The following GPR157 variants were observed in gnomAD, a reference collection of about 807,000 sequenced individuals.
GPR157 encodes the protein G-protein coupled receptor 157.
Under a neutral mutation model 23.5 loss-of-function variants are expected in GPR157, and 16 were observed. The observed-to-expected ratio is 0.68, with a 90% CI of 0.46 to 1.04. The LOEUF is 1.04. Ranked by LOEUF, GPR157 falls within the 50% of genes least tolerant of loss-of-function variation. GPR157 has a pLI of 0.00. For synonymous variants in GPR157, 200 were observed against 221.5 expected (o/e 0.90, Z 0.86); for missense variants, 440 against 460.7 (o/e 0.96, Z 0.41).
intron 2 of GPR157, among the ~76,000 whole-genome samples, chr1:9,108,273 C>A (rs1329674607): frequency 1.3e-5 from 2 of 152,202 alleles, no homozygotes; most frequent in African/African-American, 4.8e-5. Context: ...TCCTCCTCCT[C>A]CTCCTCCAGC....
Position 9,118,870 on chromosome 1 carries a change from CA to C in GPR157, c.384-7382del, listed in dbSNP as rs1230344137. ...GCAACAAAGTGAGACCCTGTCTCTA[CA>C]AAAAAATACATAAATTAGCCAGGCG... On this transcript the variant is annotated intron_variant, in intron 1 of 3. Transcript: ENST00000377411. This position sits in a 1 kb window ranked among gnomAD's most constrained non-coding sequence, Gnocchi z 4.6. Among the ~76,000 whole-genome samples the C allele has an allele frequency of 6.6e-6, 1 of 151,858 alleles. No individual in the cohort carries two copies. The highest frequency in any genetic ancestry group is 6.6e-5 in the Admixed American group (1 of 15,232).
Position 9,100,517 on chromosome 1 carries a change from A to T in GPR157, c.*3902T>A, listed in dbSNP as rs1211983485. 1 of 152,256 alleles carries T rather than the reference A, an allele frequency of 6.6e-6. No homozygotes were observed. The highest frequency in any genetic ancestry group is 1.9e-4 in the East Asian group (1 of 5,200). 9.4% of individuals were successfully genotyped at this position (152,256 alleles called of 1,614,324 possible). A position where few individuals can be genotyped will look rare whatever the true frequency, so the allele number is the denominator to read the frequency against. ...CAAATAATCATCTTTATTTAAAAAC[A>T]AAACAGAACAAACAAACCAAAAAAC... On this transcript the variant is annotated 3_prime_UTR_variant, in exon 4 of 4. Coordinates refer to ENST00000377411, the MANE Select transcript of GPR157 (RefSeq NM_024980.5).
intron 1 of GPR157, among the ~76,000 whole-genome samples, chr1:9,122,236 G>A (rs1185247271): frequency 2.0e-5 from 3 of 152,196 alleles, no homozygotes; most frequent in African/African-American, 4.8e-5. Flanking sequence ...CCACATGAAA[G>A]TCAAAGACAA....
At chr1:9,116,339 T>TAATATATATAAA in intron 1 of GPR157, among the ~76,000 whole-genome samples, 1 of 13,948 alleles carries the variant, frequency 7.2e-5, no homozygotes, top group East Asian at 0.023. Context: ...TTATATATAA[T>TAATATATATAAA]TTATATATAA....
intron 1 of GPR157, among the ~76,000 whole-genome samples, chr1:9,117,420 AAC>A (rs1638705112): frequency 6.6e-6 from 1 of 152,214 alleles, no homozygotes. Flanking sequence ...GTGCTCCACA[AAC>A]ACATGTGTGG....
rs985559702 is a variant in GPR157, at chr1:9,128,926, G to A, written c.102C>T (p.Ala34=). 1 of 1,537,004 alleles carries A rather than the reference G, an allele frequency of 6.5e-7. No homozygotes were observed. The highest frequency in any genetic ancestry group is 2.0e-5 in the Admixed American group (1 of 50,554). ...LSALGSGLLV[A]THALWPDLRS... is the part of the protein sequence containing the mutation. ...GCAGGTCGGGCCACAGGGCGTGCGT[G>A]GCCACCAGCAGGCCCGAGCCGAGCG... The change falls in exon 1 of 4, where the codon GCC becomes GCT. Residue 34 remains alanine (A), a synonymous_variant. Coordinates refer to ENST00000377411, the MANE Select transcript of GPR157 (RefSeq NM_024980.5). The surrounding 1 kb of genome is among the most constrained non-coding windows in gnomAD (Gnocchi z 6.3).
chr1:9,111,495 G>A lies in GPR157; in HGVS notation c.384-6C>T. 1.2e-6 allele frequency: 2 copies of A among 1,611,528 alleles called. No homozygotes were observed. Among genetic ancestry groups the A allele is most frequent in the Non-Finnish European group, 1.7e-6 (2 of 1,177,920 alleles). ...TGACCAACGGGACCCCCCAGCTGAG[G>A]AAGGAGGAGAGAAAGAGGCATCGGG... is the stretch of plus-strand genomic sequence containing the variant. On this transcript the variant is annotated splice_region_variant and splice_polypyrimidine_tract_variant and intron_variant, in intron 1 of 3. Coordinates refer to ENST00000377411, the MANE Select transcript of GPR157 (RefSeq NM_024980.5).
Position 9,105,373 on chromosome 1 carries a change from C to T in GPR157, c.792+113G>A. 2 of 957,554 alleles carry T rather than the reference C, an allele frequency of 2.1e-6. No homozygotes were observed. Among genetic ancestry groups the T allele is most frequent in the Non-Finnish European group, 1.5e-6 (1 of 649,582 alleles). The allele number at this position is 957,554 out of a possible 1,614,324, so 59.3% of individuals were successfully genotyped here. On this transcript the variant is annotated intron_variant, in intron 3 of 3. Coordinates refer to ENST00000377411, the MANE Select transcript of GPR157 (RefSeq NM_024980.5). The surrounding 1 kb of genome is among the most constrained non-coding windows in gnomAD (Gnocchi z 4.8). Reference sequence around the variant, plus strand: ...ACAGCACAGTGGGGCCGAGCTCCTCCCTGCAGCTGTGCCTTGGCCGACACT... The same window carrying T: ...ACAGCACAGTGGGGCCGAGCTCCTCTCTGCAGCTGTGCCTTGGCCGACACT...
intron 1 of GPR157, among the ~76,000 whole-genome samples, chr1:9,121,581 A>G: frequency 6.6e-6 from 1 of 152,124 alleles, no homozygotes; most frequent in Non-Finnish European, 1.5e-5. Context: ...TGGAAGCTGC[A>G]GTGAGCCGAG....
At chr1:9,112,382 C>A (rs985550722) in intron 1 of GPR157, among the ~76,000 whole-genome samples, 2 of 152,134 alleles carry the variant, frequency 1.3e-5, no homozygotes, top group Non-Finnish European at 2.9e-5. Context: ...GGGAACAGAA[C>A]CTGGCAAGGG....
chr1:9,119,016 G>C (rs1006637302), intron 1 of GPR157, among the ~76,000 whole-genome samples: 2 of 149,840 alleles, frequency 1.3e-5, no homozygotes, highest in Non-Finnish European at 1.5e-5. Flanking sequence ...GCCTGGGTGA[G>C]AGTGAGACCC....
intron 1 of GPR157, among the ~76,000 whole-genome samples, chr1:9,127,299 G>A (rs1386384922): frequency 6.6e-6 from 1 of 152,128 alleles, no homozygotes; most frequent in Non-Finnish European, 1.5e-5. Flanking sequence ...CTTTTCCACA[G>A]AAGCTGGACC....
In GPR157 at chr1:9,123,375, A is replaced by AAT. The variant is rs1160372218; in HGVS notation, c.383+5268_383+5269dup. Among the ~76,000 whole-genome samples, 5 of 31,160 alleles carry AAT rather than the reference A, an allele frequency of 1.6e-4. 1 individual carries two copies. The highest frequency in any genetic ancestry group is 2.2e-4 in the African/African-American group (2 of 9,146). 20.4% of individuals were successfully genotyped at this position (31,160 alleles called of 152,430 possible). ...TTAATTTAAATATATATTTAAATTA[A>AAT]ATATATATATTTAATTTAAATATAT... On this transcript the variant is annotated intron_variant, in intron 1 of 3. Transcript: ENST00000377411.
At position 9,128,057 on chromosome 1, in the gene GPR157, A is replaced by G. The variant is rs1334557905; in HGVS notation, c.383+588T>C. On this transcript the variant is annotated intron_variant, in intron 1 of 3. Coordinates refer to ENST00000377411, the MANE Select transcript of GPR157 (RefSeq NM_024980.5). This position sits in a 1 kb window ranked among gnomAD's most constrained non-coding sequence, Gnocchi z 6.3. ...CAATCTCAGAATTGCTGAACTCTGG[A>G]AAGTCAAGATCATCTAGAACAGAAA... Among the ~76,000 whole-genome samples, 1 of 152,192 alleles carries G rather than the reference A, an allele frequency of 6.6e-6. No homozygotes were observed. Among genetic ancestry groups the G allele is most frequent in the East Asian group, 1.9e-4 (1 of 5,194 alleles).
intron 1 of GPR157, among the ~76,000 whole-genome samples, chr1:9,112,985 G>T (rs1025706632): frequency 6.6e-6 from 1 of 152,158 alleles, no homozygotes; most frequent in Admixed American, 6.5e-5. Flanking sequence ...GCCCCTGCTT[G>T]GGCAAGTTAT....
intron 1 of GPR157, among the ~76,000 whole-genome samples, chr1:9,126,971 G>C (rs935788828): frequency 6.7e-6 from 1 of 150,092 alleles, no homozygotes; most frequent in African/African-American, 2.5e-5. Context: ...CTACAGCCTC[G>C]ACCTCCCAGG....
chr1:9,127,440 G>A (rs146776890), intron 1 of GPR157, among the ~76,000 whole-genome samples: 5 of 152,318 alleles, frequency 3.3e-5, no homozygotes, highest in Non-Finnish European at 5.9e-5. Context: ...CGTGTACTCG[G>A]GGCCCACACC....
intron 1 of GPR157, among the ~76,000 whole-genome samples, chr1:9,116,614 G>A (rs1638685653): frequency 6.7e-6 from 1 of 150,214 alleles, no homozygotes; most frequent in South Asian, 2.1e-4. Context: ...ATAGTGGCAC[G>A]TGCCTGTAAT....
In GPR157 at chr1:9,128,611, G is replaced by A. The variant is rs1639017581; in HGVS notation, c.383+34C>T. Reference sequence around the variant, plus strand: ...ACCGGGAGGGGTCGGCCTGTGTCGGGGGCTCCTGGAAAAGCAGCGCCACCG... The same window carrying A: ...ACCGGGAGGGGTCGGCCTGTGTCGGAGGCTCCTGGAAAAGCAGCGCCACCG... On this transcript the variant is annotated intron_variant, in intron 1 of 3. Coordinates refer to ENST00000377411, the MANE Select transcript of GPR157 (RefSeq NM_024980.5). This position sits in a 1 kb window ranked among gnomAD's most constrained non-coding sequence, Gnocchi z 6.3. 1 of 1,601,984 alleles carries A rather than the reference G, an allele frequency of 6.2e-7. No individual in the cohort carries two copies. The highest frequency in any genetic ancestry group is 1.3e-5 in the African/African-American group (1 of 74,742).
Sources: allele counts gnomAD v4.1 joint callset (sites outside exome capture counted in the v4.1 genomes callset), GRCh38; gene constraint gnomAD v4.1.1; non-coding constraint Gnocchi (gnomAD v3.1); transcripts MANE v1.5; gene names NCBI Gene and HGNC (gene_info 2026-07-23, HGNC 2026-07-21).